Variants in MR1 observed in about 807,000 individuals in gnomAD.
The protein encoded by MR1 is major histocompatibility complex, class I-related.
A neutral mutation model predicts 37.8 loss-of-function variants in MR1; 44 were observed. That is an observed-to-expected ratio of 1.16 (90% CI 0.91 to 1.50). The LOEUF (loss-of-function observed/expected upper bound fraction) is 1.50. Among genes scored for constraint, MR1 ranks in the 40% most tolerant of loss-of-function variants. The pLI is 0.00. For missense variants in MR1, 386 were observed against 419.1 expected (o/e 0.92, Z 0.69); for synonymous variants, 153 against 155.8 (o/e 0.98, Z 0.13).
intron 1 of MR1, among the ~76,000 whole-genome samples, chr1:181,039,546 G>T (rs182672144): frequency 7.0e-4 from 107 of 152,230 alleles, no homozygotes; most frequent in African/African-American, 2.3e-3. Context: ...CCAATTCCTT[G>T]TACATAGTAG....
chr1:181,061,543 C>CTGGT lies in MR1; in HGVS notation c.*6279_*6282dup, dbSNP rs1658901056. On this transcript the variant is annotated 3_prime_UTR_variant, in exon 6 of 6. Transcript: ENST00000367580. ...AAAAAAACAAGTCAATTCATTTAGA[C>CTGGT]TGGTAGAACCAGAACCACTGTGTAG... The CTGGT allele has an allele frequency of 6.6e-6, 1 of 152,222 alleles. No homozygotes were observed. The highest frequency in any genetic ancestry group is 2.1e-4 in the South Asian group (1 of 4,836). The allele number at this position is 152,222 out of a possible 1,614,324, so 9.4% of individuals were successfully genotyped here. A position where few individuals can be genotyped will look rare whatever the true frequency, so the allele number is the denominator to read the frequency against.
At chr1:181,043,461 A>C (rs947704489) in intron 1 of MR1, among the ~76,000 whole-genome samples, 1 of 152,194 alleles carries the variant, frequency 6.6e-6, no homozygotes, top group Non-Finnish European at 1.5e-5. Context: ...GGTGGCTCAC[A>C]TCTCTAATCC....
intron 1 of MR1, among the ~76,000 whole-genome samples, chr1:181,046,982 G>A (rs1456856794): frequency 6.6e-6 from 1 of 151,962 alleles, no homozygotes; most frequent in East Asian, 1.9e-4. Context: ...CTCCAGACGC[G>A]CCACCTTAAG....
At chr1:181,042,653 A>C (rs977252540) in intron 1 of MR1, among the ~76,000 whole-genome samples, 1 of 151,832 alleles carries the variant, frequency 6.6e-6, no homozygotes, top group Non-Finnish European at 1.5e-5. Flanking sequence ...AAAAAATACA[A>C]AAATTAGCCA....
intron 1 of MR1, among the ~76,000 whole-genome samples, chr1:181,047,996 T>C (rs969342547): frequency 6.6e-6 from 1 of 150,582 alleles, no homozygotes; most frequent in African/African-American, 2.5e-5. Flanking sequence ...GGTGGGTGGA[T>C]CACGAGGTCA....
rs554883659 is a variant in MR1, at chr1:181,059,111, G to A, written c.*3846G>A. 1 of 152,278 alleles carries A rather than the reference G, an allele frequency of 6.6e-6. No homozygotes were observed. Among genetic ancestry groups the A allele is most frequent in the Non-Finnish European group, 1.5e-5 (1 of 68,094 alleles). 9.4% of individuals were successfully genotyped at this position (152,278 alleles called of 1,614,324 possible). On this transcript the variant is annotated 3_prime_UTR_variant, in exon 6 of 6. Transcript: ENST00000367580. ...CTGTGGGCAGCAGAGCTAGGAAGAA[G>A]CACAGGCATCTCCCAGCCCAGGTGT...
chr1:181,058,704 C>T lies in MR1; in HGVS notation c.*3439C>T, dbSNP rs1312166175. ...CCAGCTGATCATTTTCTGCCAGAGT[C>T]ACACAGAGCAGTCACACCTTATTTT... On this transcript the variant is annotated 3_prime_UTR_variant, in exon 6 of 6. Coordinates refer to ENST00000367580, the MANE Select transcript of MR1 (RefSeq NM_001385161.1). 2.0e-5 allele frequency: 3 copies of T among 152,392 alleles called. No homozygotes were observed. Among genetic ancestry groups the T allele is most frequent in the African/African-American group, 7.2e-5 (3 of 41,430 alleles). The allele number at this position is 152,392 out of a possible 1,614,324, so 9.4% of individuals were successfully genotyped here.
chr1:181,059,290 T>C lies in MR1; in HGVS notation c.*4025T>C, dbSNP rs1226823454. The stretch of plus-strand genomic sequence containing the variant: ...GAAATTGCCATCTTTGAGCATTGTA[T>C]GTCTCTGTAACATCTCTGCATCTCC... On this transcript the variant is annotated 3_prime_UTR_variant, in exon 6 of 6. Transcript: ENST00000367580. The C allele has an allele frequency of 1.3e-5, 2 of 152,320 alleles. No individual in the cohort carries two copies. The highest frequency in any genetic ancestry group is 4.8e-5 in the African/African-American group (2 of 41,470). The allele number at this position is 152,320 out of a possible 1,614,324, so 9.4% of individuals were successfully genotyped here. A position where few individuals can be genotyped will look rare whatever the true frequency, so the allele number is the denominator to read the frequency against.
At chr1:181,051,729 T>C (rs1658332343) in intron 3 of MR1, among the ~76,000 whole-genome samples, 1 of 152,164 alleles carries the variant, frequency 6.6e-6, no homozygotes, top group African/African-American at 2.4e-5. Context: ...CTACATATGT[T>C]TGTACCTGAT....
chr1:181,042,549 C>T (rs951634709), intron 1 of MR1, among the ~76,000 whole-genome samples: 10 of 148,624 alleles, frequency 6.7e-5, no homozygotes, highest in African/African-American at 2.5e-4. Context: ...CGCCTGTAAT[C>T]CCAGCACTTT....
intron 3 of MR1, 168 bp downstream of exon 3, chr1:181,050,454 G>A: frequency 1.3e-6 from 1 of 782,036 alleles, no homozygotes; most frequent in Non-Finnish European, 2.0e-6. Context: ...GGTTACTTTT[G>A]AGCAGCATCT....
chr1:181,050,036 T>C lies in MR1; in HGVS notation c.354T>C (p.Ile118=), dbSNP rs1447538455. ...HSGSHTYQRM[I]GCELLEDGST... is the part of the protein sequence containing the mutation. ...GGTCTCACACTTACCAGAGAATGAT[T>C]GGCTGTGAGCTGCTGGAGGATGGAA... is the stretch of plus-strand genomic sequence containing the variant. Residue 118 remains isoleucine, a synonymous_variant, in exon 3 of 6, where the codon ATT becomes ATC. Transcript: ENST00000367580. The C allele has an allele frequency of 3.1e-6, 5 of 1,612,862 alleles. No homozygotes were observed. In the African/African-American group the frequency reaches 6.7e-5, roughly 22 times the overall value.
In MR1 at chr1:181,049,190, C is replaced by T. The variant is rs768168767; in HGVS notation, c.206C>T (p.Ala69Val). 3 of 1,614,216 alleles carry T rather than the reference C, an allele frequency of 1.9e-6. No homozygotes were observed. The highest frequency in any genetic ancestry group is 2.2e-5 in the East Asian group (1 of 44,888). Residue 69 changes from alanine (A) to valine (V), a missense_variant, in exon 2 of 6, where the codon GCC becomes GTC. By Grantham distance (64) the Ala-to-Val change is moderately conservative (BLOSUM62 0). Transcript: ENST00000367580. Reference sequence around the variant, plus strand: ...GTCACTCGGCAGAAGGAGCCACGGGCCCCATGGATGGCAGAGAACCTCGCG... The same window carrying T: ...GTCACTCGGCAGAAGGAGCCACGGGTCCCATGGATGGCAGAGAACCTCGCG... ...DSVTRQKEPR[A>V]PWMAENLAPD...
At position 181,055,212 on chromosome 1, in the gene MR1, C is replaced by T. The variant is rs1658548873; in HGVS notation, c.986-13C>T. 6.2e-7 allele frequency: 1 copy of T among 1,613,186 alleles called. No individual in the cohort carries two copies. The highest frequency in any genetic ancestry group is 1.1e-5 in the South Asian group (1 of 91,064). On this transcript the variant is annotated splice_polypyrimidine_tract_variant and intron_variant, in intron 5 of 5. Transcript: ENST00000367580. ...CATTCTTGTAATCTGACTAAAAACC[C>T]CTTTCCTTTCAGAGCAAAATGGAGC...
chr1:181,039,834 C>T (rs1263543363), intron 1 of MR1, among the ~76,000 whole-genome samples: 1 of 148,996 alleles, frequency 6.7e-6, no homozygotes, highest in Admixed American at 6.7e-5. Flanking sequence ...CCACTGCACT[C>T]CAGCCTGGGT....
intron 1 of MR1, among the ~76,000 whole-genome samples, chr1:181,041,693 T>C (rs1017086444): frequency 6.6e-6 from 1 of 152,254 alleles, no homozygotes; most frequent in African/African-American, 2.4e-5. Context: ...GACACCTGCC[T>C]GTCTCCCCAA....
intron 1 of MR1, among the ~76,000 whole-genome samples, chr1:181,040,997 G>A (rs1335289390): frequency 3.9e-5 from 6 of 151,942 alleles, no homozygotes; most frequent in Non-Finnish European, 8.8e-5. Context: ...CAGGAGAATC[G>A]CTTGAACCTG....
intron 1 of MR1, among the ~76,000 whole-genome samples, chr1:181,036,018 T>C (rs1397992794): frequency 6.6e-6 from 1 of 152,066 alleles, no homozygotes; most frequent in East Asian, 1.9e-4. Context: ...GCAAGCTGAT[T>C]TCTGCTTGGG....
At chr1:181,049,901 G>T in intron 2 of MR1, 110 bp from the exon 3 acceptor site, 4 of 1,283,452 alleles carry the variant, frequency 3.1e-6, no homozygotes, top group Admixed American at 2.2e-5. Context: ...GGCCTGGGGG[G>T]TGACATAATG....
Sources: allele counts gnomAD v4.1 joint callset (sites outside exome capture counted in the v4.1 genomes callset), GRCh38; gene constraint gnomAD v4.1.1; transcripts MANE v1.5; gene names NCBI Gene and HGNC (gene_info 2026-07-23, HGNC 2026-07-21).